Variants in ZCCHC7 observed in about 807,000 individuals in gnomAD.
ZCCHC7 encodes zinc finger CCHC domain-containing protein 7.
ZCCHC7 carries 35 observed loss-of-function variants against 52.0 expected under a neutral mutation model. That is an observed-to-expected ratio of 0.67 (90% CI 0.51 to 0.89). The LOEUF is 0.89. ZCCHC7 is among the 40% of genes least tolerant of loss of function. The pLI, the probability that ZCCHC7 is intolerant of heterozygous loss-of-function variation, is 0.00. For missense variants in ZCCHC7, 574 were observed against 649.1 expected, an observed-to-expected ratio of 0.88 and a Z score of 1.26; for synonymous variants, 217 against 221.5, an observed-to-expected ratio of 0.98 and a Z score of 0.18.
chr9:37,137,492 G>A (rs1239077413), intron 2 of ZCCHC7, among the ~76,000 whole-genome samples: 4 of 152,182 alleles, frequency 2.6e-5, no homozygotes, highest in African/African-American at 9.7e-5. Flanking sequence ...AGCCACCTCT[G>A]CCTAAACAAG....
chr9:37,201,948 G>A (rs868015196), intron 2 of ZCCHC7, among the ~76,000 whole-genome samples: 31 of 152,308 alleles, frequency 2.0e-4, no homozygotes, highest in African/African-American at 7.0e-4. Context: ...TCCAATGTGG[G>A]TTTTAAGAGC....
chr9:37,160,145 CG>C (rs1039449344), intron 2 of ZCCHC7: 10 of 152,104 alleles, frequency 6.6e-5, no homozygotes, highest in African/African-American at 2.4e-4. Flanking sequence ...TAAGCTGGTC[CG>C]GGTGCAGTGG....
chr9:37,304,232 G>A lies in ZCCHC7; in HGVS notation c.699G>A (p.Arg233=). Residue 233 remains arginine (R), a synonymous_variant, in exon 4 of 9, where the codon CGG becomes CGA. Transcript: ENST00000336755. The stretch of plus-strand genomic sequence containing the variant: ...GAACACCTGGAAGATGGACCCAGCG[G>A]TACTATTCAGCCAACAAAAACATTA... The part of the protein sequence containing the change: ...NNRTPGRWTQ[R]YYSANKNIIC... 3.7e-6 allele frequency: 6 copies of A among 1,613,852 alleles called. No individual in the cohort carries two copies. The highest frequency in any genetic ancestry group is 5.1e-6 in the Non-Finnish European group (6 of 1,179,890).
At chr9:37,297,881 G>A (rs1446532521) in intron 2 of ZCCHC7, among the ~76,000 whole-genome samples, 1 of 152,216 alleles carries the variant, frequency 6.6e-6, no homozygotes, top group Non-Finnish European at 1.5e-5. Context: ...ACAGCCAAAT[G>A]TAAGCAGACT....
intron 2 of ZCCHC7, 83 bp downstream of exon 2, chr9:37,127,025 T>G: frequency 6.7e-7 from 1 of 1,494,592 alleles, no homozygotes; most frequent in Non-Finnish European, 9.0e-7. Context: ...ACCAATAGGG[T>G]CTACTCCGTT....
chr9:37,195,506 G>A (rs1354791913), intron 2 of ZCCHC7, among the ~76,000 whole-genome samples: 2 of 152,148 alleles, frequency 1.3e-5, no homozygotes, highest in African/African-American at 2.4e-5. Context: ...GTCTAATGTA[G>A]CAGTTTAATG....
At chr9:37,123,599 A>G (rs1018849357) in intron 1 of ZCCHC7, among the ~76,000 whole-genome samples, 13 of 152,054 alleles carry the variant, frequency 8.5e-5, no homozygotes, top group African/African-American at 3.1e-4. Flanking sequence ...TTCCTTTGGG[A>G]TGGCTGCAAG....
At chr9:37,304,888 A>G (rs1193037590) in intron 4 of ZCCHC7, among the ~76,000 whole-genome samples, 1 of 152,214 alleles carries the variant, frequency 6.6e-6, no homozygotes, top group Non-Finnish European at 1.5e-5. Context: ...AAAAGATTGA[A>G]TCAGATGATT....
intron 2 of ZCCHC7, among the ~76,000 whole-genome samples, chr9:37,294,821 G>C (rs1374430927): frequency 6.6e-6 from 1 of 152,090 alleles, no homozygotes; most frequent in East Asian, 1.9e-4. Flanking sequence ...AGAGCACTTT[G>C]ATATAGAGAG....
intron 2 of ZCCHC7, among the ~76,000 whole-genome samples, chr9:37,262,309 C>T (rs1265534650): frequency 1.3e-5 from 2 of 151,314 alleles, no homozygotes; most frequent in Admixed American, 6.6e-5. Flanking sequence ...AGATAGTAAA[C>T]ATAGTCATAA....
At chr9:37,221,086 T>TC (rs1824785725) in intron 2 of ZCCHC7, among the ~76,000 whole-genome samples, 1 of 152,196 alleles carries the variant, frequency 6.6e-6, no homozygotes, top group Non-Finnish European at 1.5e-5. Flanking sequence ...CTTACCAGGT[T>TC]CCACCAGTGT....
chr9:37,288,306 A>G (rs1400639265), intron 2 of ZCCHC7, among the ~76,000 whole-genome samples: 2 of 149,258 alleles, frequency 1.3e-5, no homozygotes, highest in Admixed American at 6.7e-5. Flanking sequence ...CTATCTATCT[A>G]TCTATATAGA....
intron 2 of ZCCHC7, among the ~76,000 whole-genome samples, chr9:37,229,106 A>T (rs1825271647): frequency 6.6e-6 from 1 of 152,166 alleles, no homozygotes; most frequent in Non-Finnish European, 1.5e-5. Flanking sequence ...AAGTGTTAGG[A>T]TTACAGGTGT....
At chr9:37,212,059 A>AAAAAAAAAAAAAAAAAG (rs1824264087) in intron 2 of ZCCHC7, among the ~76,000 whole-genome samples, 1 of 145,574 alleles carries the variant, frequency 6.9e-6, no homozygotes, top group African/African-American at 2.5e-5. Flanking sequence ...AAAAAAAAAA[A>AAAAAAAAAAAAAAAAAG]AAAAAAGAAA....
At chr9:37,343,926 A>T (rs185227832) in intron 6 of ZCCHC7, among the ~76,000 whole-genome samples, 2 of 152,238 alleles carry the variant, frequency 1.3e-5, no homozygotes, top group Admixed American at 6.5e-5. Context: ...CTGTGTTCCA[A>T]TAAAACTTTA....
chr9:37,161,436 A>G (rs13285455), intron 2 of ZCCHC7, among the ~76,000 whole-genome samples: 1 of 151,862 alleles, frequency 6.6e-6, no homozygotes, highest in Admixed American at 6.6e-5. Context: ...TTAGCCAGAC[A>G]TGGTGGCAGC....
At chr9:37,319,376 T>C (rs1211771611) in intron 5 of ZCCHC7, among the ~76,000 whole-genome samples, 3 of 152,230 alleles carry the variant, frequency 2.0e-5, no homozygotes, top group Admixed American at 6.5e-5. Flanking sequence ...TTAAATTTAA[T>C]GAAGTCCAAC....
chr9:37,288,954 C>G (rs1474565903), intron 2 of ZCCHC7, among the ~76,000 whole-genome samples: 1 of 152,146 alleles, frequency 6.6e-6, no homozygotes, highest in African/African-American at 2.4e-5. Context: ...AAACTTAAGA[C>G]TCATAATCCA....
At chr9:37,313,581 C>G (rs1829688552) in intron 5 of ZCCHC7, among the ~76,000 whole-genome samples, 1 of 152,196 alleles carries the variant, frequency 6.6e-6, no homozygotes, top group African/African-American at 2.4e-5. Context: ...ACTCAAATCT[C>G]AAGTCGAATT....
Sources: allele counts gnomAD v4.1 joint callset (sites outside exome capture counted in the v4.1 genomes callset), GRCh38; gene constraint gnomAD v4.1.1; transcripts MANE v1.5; gene names NCBI Gene and HGNC (gene_info 2026-07-23, HGNC 2026-07-21).